Variants in STRN3 observed in about 807,000 individuals in gnomAD.
STRN3 encodes the protein striatin-3.
A neutral mutation model predicts 95.6 loss-of-function variants in STRN3; 29 were observed. That is an observed-to-expected ratio of 0.30 (90% CI 0.23 to 0.41). The LOEUF is 0.41. Among genes scored for constraint, STRN3 ranks in the 10% least tolerant of loss-of-function variants. The pLI is 1.00. For missense variants in STRN3, 890 were observed against 972.1 expected, an observed-to-expected ratio of 0.92 and a Z score of 1.12; for synonymous variants, 331 against 357.6, an observed-to-expected ratio of 0.93 and a Z score of 0.84.
intron 1 of STRN3, among the ~76,000 whole-genome samples, chr14:30,985,591 G>C (rs971030338): frequency 1.2e-5 from 1 of 82,266 alleles, no homozygotes; most frequent in African/African-American, 5.0e-5. Context: ...CAACGAGAGC[G>C]AAACTCCATC....
chr14:30,950,236 C>G (rs1879572016), intron 4 of STRN3, among the ~76,000 whole-genome samples: 1 of 152,026 alleles, frequency 6.6e-6, no homozygotes, highest in African/African-American at 2.4e-5. Flanking sequence ...ACTGTCCAGA[C>G]TATGAAATAT....
intron 1 of STRN3, among the ~76,000 whole-genome samples, chr14:30,966,581 G>A (rs1393157051): frequency 6.6e-6 from 1 of 152,148 alleles, no homozygotes; most frequent in Non-Finnish European, 1.5e-5. Context: ...TAGCTTAAAG[G>A]ATCCTCACAT....
intron 7 of STRN3, 53 bp downstream of exon 7, chr14:30,935,110 C>CTTA: frequency 6.3e-7 from 1 of 1,589,984 alleles, no homozygotes; most frequent in Non-Finnish European, 8.6e-7. Flanking sequence ...TTAATAATAA[C>CTTA]CCATCATTAA....
At chr14:31,022,448 T>C (rs778751219) in intron 1 of STRN3, among the ~76,000 whole-genome samples, 1 of 152,042 alleles carries the variant, frequency 6.6e-6, no homozygotes, top group Non-Finnish European at 1.5e-5. Flanking sequence ...GTCATATTTT[T>C]ACACTTGGCA....
intron 1 of STRN3, among the ~76,000 whole-genome samples, chr14:30,988,028 G>A (rs144040715): frequency 7.2e-5 from 11 of 152,272 alleles, no homozygotes; most frequent in East Asian, 1.9e-4. Flanking sequence ...AAGCCACCGC[G>A]TCCAGCTGTT....
chr14:31,006,241 T>C (rs988858925), intron 1 of STRN3, among the ~76,000 whole-genome samples: 1 of 151,642 alleles, frequency 6.6e-6, no homozygotes, highest in Non-Finnish European at 1.5e-5. Flanking sequence ...TTCCATTATA[T>C]AAAGGTAATA....
chr14:30,936,496 TTA>T lies in STRN3; in HGVS notation c.843_844del (p.His281GlnfsTer4). Reference sequence around the variant, plus strand: ...AAGAATATAAAATGTAATTCCTACTTTATGTTTATTCATCCGATGTTTGTCTT... The same window carrying T: ...AAGAATATAAAATGTAATTCCTACTTTGTTTATTCATCCGATGTTTGTCTT... On this transcript the variant is annotated frameshift_variant and splice_region_variant, in exon 6 of 18. Coordinates refer to ENST00000357479, the MANE Select transcript of STRN3 (RefSeq NM_001083893.2). LOFTEE classifies it high-confidence loss of function. 6.2e-7 allele frequency: 1 copy of T among 1,609,876 alleles called. No individual in the cohort carries two copies. The highest frequency in any genetic ancestry group is 8.5e-7 in the Non-Finnish European group (1 of 1,178,862).
At chr14:30,979,756 C>T (rs1039456573) in intron 1 of STRN3, among the ~76,000 whole-genome samples, 6 of 151,942 alleles carry the variant, frequency 3.9e-5, no homozygotes, top group African/African-American at 7.3e-5. Flanking sequence ...CACACCACCA[C>T]ACCCGGCTAA....
At chr14:30,900,699 A>G (rs1020917793) in intron 16 of STRN3, among the ~76,000 whole-genome samples, 1 of 150,376 alleles carries the variant, frequency 6.6e-6, no homozygotes, top group Non-Finnish European at 1.5e-5. Context: ...CAGTGAGCTG[A>G]GATGGTGCCA....
chr14:30,936,638 A>C lies in STRN3; in HGVS notation c.717-14T>G. The stretch of plus-strand genomic sequence containing the variant: ...TCACCAGAGGACCTGTGCGAAGGAA[A>C]AAAAGATAAATCCAACTATTCCAAT... On this transcript the variant is annotated splice_polypyrimidine_tract_variant and intron_variant, in intron 5 of 17. Transcript: ENST00000357479. 1 of 1,594,882 alleles carries C rather than the reference A, an allele frequency of 6.3e-7. No individual in the cohort carries two copies.
intron 1 of STRN3, chr14:31,025,576 A>C: frequency 4.8e-6 from 2 of 413,496 alleles, no homozygotes; most frequent in Non-Finnish European, 8.9e-6. Flanking sequence ...GGACTCTCCC[A>C]CAGAGAGGTG....
At chr14:31,006,024 C>T (rs1882693363) in intron 1 of STRN3, among the ~76,000 whole-genome samples, 1 of 148,962 alleles carries the variant, frequency 6.7e-6, no homozygotes. Flanking sequence ...AGGAGGGAGG[C>T]AGGACAATCT....
At chr14:30,960,697 G>A (rs1055562899) in intron 1 of STRN3, among the ~76,000 whole-genome samples, 3 of 151,740 alleles carry the variant, frequency 2.0e-5, no homozygotes, top group East Asian at 1.9e-4. Context: ...GTGAAACCCC[G>A]CCTCTACTAA....
chr14:30,974,871 C>A (rs536576995), intron 1 of STRN3, among the ~76,000 whole-genome samples: 2 of 151,868 alleles, frequency 1.3e-5, no homozygotes, highest in South Asian at 4.2e-4. Context: ...ACAGAGTGAG[C>A]ACATGCTGTT....
At chr14:30,980,143 G>A (rs1287398908) in intron 1 of STRN3, among the ~76,000 whole-genome samples, 1 of 151,844 alleles carries the variant, frequency 6.6e-6, no homozygotes, top group Non-Finnish European at 1.5e-5. Flanking sequence ...TACTCGGGAG[G>A]CTGAGGCAGG....
chr14:30,980,119 C>A (rs1396862588), intron 1 of STRN3, among the ~76,000 whole-genome samples: 1 of 151,694 alleles, frequency 6.6e-6, no homozygotes, highest in Admixed American at 6.6e-5. Flanking sequence ...ATAGTGTGTG[C>A]CTATAATCCC....
chr14:30,982,827 C>A (rs1005145660), intron 1 of STRN3, among the ~76,000 whole-genome samples: 1 of 151,904 alleles, frequency 6.6e-6, no homozygotes, highest in Non-Finnish European at 1.5e-5. Context: ...TGCAGTGGTG[C>A]CGATCATAGT....
intron 1 of STRN3, among the ~76,000 whole-genome samples, chr14:30,960,257 C>T (rs1880123588): frequency 6.6e-6 from 1 of 152,090 alleles, no homozygotes; most frequent in East Asian, 1.9e-4. Flanking sequence ...GGGAGTACTG[C>T]TTGAGCCCAG....
intron 5 of STRN3, among the ~76,000 whole-genome samples, chr14:30,945,361 T>C (rs1455266579): frequency 2.7e-5 from 4 of 149,782 alleles, no homozygotes; most frequent in African/African-American, 9.8e-5. Context: ...CTGATGCCTG[T>C]AATCCCAGCA....
Sources: allele counts gnomAD v4.1 joint callset (sites outside exome capture counted in the v4.1 genomes callset), GRCh38; gene constraint gnomAD v4.1.1; transcripts MANE v1.5; gene names NCBI Gene and HGNC (gene_info 2026-07-23, HGNC 2026-07-21).